AGXT2: variants seen among roughly 807,000 people sequenced by gnomAD.
AGXT2 encodes alanine--glyoxylate aminotransferase 2.
AGXT2 carries 61 observed loss-of-function variants against 62.5 expected under a neutral mutation model. The observed-to-expected ratio is 0.98, with a 90% CI of 0.79 to 1.21. The LOEUF (loss-of-function observed/expected upper bound fraction) is 1.21. AGXT2 is among the 50% of genes most tolerant of loss of function. AGXT2 has a pLI of 0.00. For synonymous variants in AGXT2, 243 were observed against 218.7 expected (o/e 1.11, Z -0.98); for missense variants, 666 against 641.5 (o/e 1.04, Z -0.41).
intron 7 of AGXT2, among the ~76,000 whole-genome samples, chr5:35,027,239 T>C (rs1767392003): frequency 1.3e-5 from 2 of 152,200 alleles, no homozygotes; most frequent in South Asian, 2.1e-4. Flanking sequence ...TATTAACAAA[T>C]AGTAGAAATC....
intron 13 of AGXT2, among the ~76,000 whole-genome samples, chr5:35,002,661 C>T (rs163837): frequency 0.31 from 47,528 of 151,990 alleles, 7,903 homozygotes; most frequent in East Asian, 0.47. Flanking sequence ...GCGCCCTCAC[C>T]AGACACTGAA....
intron 9 of AGXT2, among the ~76,000 whole-genome samples, chr5:35,021,463 G>A (rs1767080352): frequency 6.6e-6 from 1 of 150,606 alleles, no homozygotes; most frequent in African/African-American, 2.4e-5. Context: ...AGAAAAACAA[G>A]CAATGGGGAA....
At position 35,033,595 on chromosome 5, in the gene AGXT2, G is replaced by A. The variant is rs778348471; in HGVS notation, c.582-42C>T. 12 of 1,494,760 alleles carry A rather than the reference G, an allele frequency of 8.0e-6. No homozygotes were observed. In the South Asian group the frequency reaches 9.0e-5, roughly 11 times the overall value. The allele number at this position is 1,494,760 out of a possible 1,614,324, so 92.6% of individuals were successfully genotyped here. ...ACAGGAGGATGGGGTCAAGTTCCTG[G>A]TCCACTGAGTAGGACAAAAGAGAAA... On this transcript the variant is annotated intron_variant, in intron 5 of 13. Coordinates refer to ENST00000231420, the MANE Select transcript of AGXT2 (RefSeq NM_031900.4).
At chr5:35,041,510 C>G (rs1347730611) in intron 1 of AGXT2, among the ~76,000 whole-genome samples, 1 of 152,136 alleles carries the variant, frequency 6.6e-6, no homozygotes, top group Non-Finnish European at 1.5e-5. Flanking sequence ...CCTGCCAGCA[C>G]AGACTTTGGC....
intron 1 of AGXT2, among the ~76,000 whole-genome samples, chr5:35,046,051 GC>G (rs1561238874): frequency 6.6e-6 from 1 of 152,148 alleles, no homozygotes; most frequent in Non-Finnish European, 1.5e-5. Context: ...AGAGGTGTGA[GC>G]CACCGCACCC....
Position 35,039,433 on chromosome 5 carries a change from G to A in AGXT2, c.253C>T (p.Pro85Ser), listed in dbSNP as rs1192090540. 8 of 1,614,010 alleles carry A rather than the reference G, an allele frequency of 5.0e-6. No individual in the cohort carries two copies. Among genetic ancestry groups the A allele is most frequent in the East Asian group, 2.2e-5 (1 of 44,892 alleles). The change falls in exon 3 of 14, where the codon CCC becomes TCC. Residue 85 changes from proline to serine, a missense_variant. Pro to Ser is a moderately conservative substitution (Grantham distance 74, BLOSUM62 -1). Transcript: ENST00000231420. ...SPVVTAYFQK[P>S]LLLHQGHMEW... is the part of the protein sequence containing the mutation. ...ATGTGCCCCTGGTGGAGCAGCAGGG[G>A]TTTCTGGAAATATGCCGTCACCACA... is the stretch of plus-strand genomic sequence containing the variant.
intron 13 of AGXT2, among the ~76,000 whole-genome samples, chr5:35,002,779 G>GC (rs999957007): frequency 3.0e-5 from 4 of 131,250 alleles, no homozygotes; most frequent in South Asian, 2.4e-4. Flanking sequence ...AGCAGGCTGG[G>GC]GGGGGGGACT....
chr5:35,025,795 GCAC>G lies in AGXT2; in HGVS notation c.928_930del (p.Val310del). ...GCAATGCACACGCCTCCCCTTGCTC[GCAC>G]CAGCTCAAAGGCTTCCTTTAGAAAC... On this transcript the variant is annotated inframe_deletion, in exon 9 of 14. Coordinates refer to ENST00000231420, the MANE Select transcript of AGXT2 (RefSeq NM_031900.4). 6.2e-7 allele frequency: 1 copy of G among 1,614,042 alleles called. No homozygotes were observed. Among genetic ancestry groups the G allele is most frequent in the Non-Finnish European group, 8.5e-7 (1 of 1,179,994 alleles).
chr5:35,007,790 A>G (rs1329596739), intron 12 of AGXT2, among the ~76,000 whole-genome samples: 1 of 152,158 alleles, frequency 6.6e-6, no homozygotes, highest in African/African-American at 2.4e-5. Context: ...TTGATCCCCA[A>G]TGTTGGAGGT....
chr5:35,012,878 G>T, intron 11 of AGXT2, 76 bp downstream of exon 11: 1 of 1,272,328 alleles, frequency 7.9e-7, no homozygotes, highest in Non-Finnish European at 1.1e-6. Flanking sequence ...GCATGATAGA[G>T]TTCTGCTAAT....
At chr5:35,027,613 A>T (rs375087457) in intron 7 of AGXT2, among the ~76,000 whole-genome samples, 26 of 151,840 alleles carry the variant, frequency 1.7e-4, no homozygotes, top group African/African-American at 6.0e-4. Context: ...ATCCTTGCTG[A>T]TCTTTTTCTT....
chr5:35,014,166 G>A (rs2112202772), intron 9 of AGXT2, 47 bp from the exon 10 acceptor site: 6 of 1,612,738 alleles, frequency 3.7e-6, no homozygotes, highest in Middle Eastern at 1.7e-4. Context: ...AAGAAATGCT[G>A]TTTTCGACAG....
At chr5:35,046,661 C>G (rs961449236) in intron 1 of AGXT2, among the ~76,000 whole-genome samples, 4 of 152,020 alleles carry the variant, frequency 2.6e-5, no homozygotes, top group Admixed American at 1.3e-4. Context: ...TGTCAAGTTT[C>G]AAAAAACTGC....
rs538568359 is a variant in AGXT2 at position 34,998,719 on chromosome 5, T to C, written c.1545A>G (p.Ter515=). The stretch of plus-strand genomic sequence containing the variant: ...GTGGTTTTATTTATTTCTGACAATG[T>C]TACTTAGCTCTTCTTTCCATGTGTT... The part of the protein sequence containing the change: ...LTQHMERRAK[*] The change falls in exon 14 of 14, where the codon TAA becomes TAG. Residue 515 remains the stop codon, a stop_retained_variant. Transcript: ENST00000231420. 1 of 1,607,790 alleles carries C rather than the reference T, an allele frequency of 6.2e-7. No homozygotes were observed. Among genetic ancestry groups the C allele is most frequent in the East Asian group, 2.2e-5 (1 of 44,842 alleles).
chr5:35,047,900 A>T lies in AGXT2; in HGVS notation c.-8T>A. On this transcript the variant is annotated 5_prime_UTR_variant, in exon 1 of 14. Coordinates refer to ENST00000231420, the MANE Select transcript of AGXT2 (RefSeq NM_031900.4). ...TCTCCAGATTAGAGTCATTTCTCCC[A>T]CTCAGAAAGCCAACCCCCATGGAAG... The T allele has an allele frequency of 6.2e-7, 1 of 1,613,922 alleles. No homozygotes were observed.
At chr5:35,025,650 G>A (rs1767305986) in intron 9 of AGXT2, 113 bp downstream of exon 9, 1 of 1,090,538 alleles carries the variant, frequency 9.2e-7, no homozygotes, top group Admixed American at 2.0e-5. Context: ...GGCAAACTTT[G>A]GAATTCACAG....
Position 35,040,578 on chromosome 5 carries a change from G to A in AGXT2, c.174C>T (p.Tyr58=). 1 of 1,613,222 alleles carries A rather than the reference G, an allele frequency of 6.2e-7. No individual in the cohort carries two copies. Among genetic ancestry groups the A allele is most frequent in the South Asian group, 1.1e-5 (1 of 91,038 alleles). ...MPPCDFMPER[Y]QSLGYNRVLE... Reference sequence around the variant, plus strand: ...TTCTTAAAGCCCTGAATCTCACCTGGTATCTTTCAGGCATGAAGTCACATG... The same window carrying A: ...TTCTTAAAGCCCTGAATCTCACCTGATATCTTTCAGGCATGAAGTCACATG... Residue 58 remains tyrosine (Y), a synonymous_variant, in exon 2 of 14, where the codon TAC becomes TAT. Coordinates refer to ENST00000231420, the MANE Select transcript of AGXT2 (RefSeq NM_031900.4).
At chr5:35,042,314 A>T (rs1355343059) in intron 1 of AGXT2, among the ~76,000 whole-genome samples, 1 of 152,162 alleles carries the variant, frequency 6.6e-6, no homozygotes, top group Non-Finnish European at 1.5e-5. Context: ...CAAATGAAAT[A>T]CGTGAAATTC....
At chr5:35,025,734 A>G (rs1311224704) in intron 9 of AGXT2, 29 bp downstream of exon 9, 8 of 1,610,232 alleles carry the variant, frequency 5.0e-6, no homozygotes. Flanking sequence ...TTCCCACTGC[A>G]CTCAATGGCA....
Sources: allele counts gnomAD v4.1 joint callset (sites outside exome capture counted in the v4.1 genomes callset), GRCh38; gene constraint gnomAD v4.1.1; transcripts MANE v1.5; gene names NCBI Gene and HGNC (gene_info 2026-07-23, HGNC 2026-07-21).